TDRD1: variants seen among roughly 807,000 people sequenced by gnomAD.
The protein encoded by TDRD1 is tudor domain-containing protein 1.
A neutral mutation model predicts 140.6 loss-of-function variants in TDRD1; 37 were observed. The ratio of observed to expected loss-of-function variants is 0.26; its 90% CI spans 0.20 to 0.35. The LOEUF (loss-of-function observed/expected upper bound fraction) is 0.35. TDRD1 is among the 10% of genes least tolerant of loss of function. The pLI, the probability that TDRD1 is intolerant of heterozygous loss-of-function variation, is 1.00. For synonymous variants in TDRD1, 506 were observed against 475.7 expected (o/e 1.06, Z -0.83); for missense variants, 1,243 against 1,393.0 (o/e 0.89, Z 1.71).
intron 9 of TDRD1, 88 bp downstream of exon 9, chr10:114,204,304 A>G (rs2034961780): frequency 5.8e-6 from 8 of 1,389,472 alleles, no homozygotes; most frequent in African/African-American, 4.4e-5. Context: ...TGCTTGTTCT[A>G]TTCTGCTGTG....
At chr10:114,229,341 CAT>C (rs1322469273) in intron 25 of TDRD1, among the ~76,000 whole-genome samples, 1 of 152,172 alleles carries the variant, frequency 6.6e-6, no homozygotes, top group Non-Finnish European at 1.5e-5. Flanking sequence ...TGTGTTAAAA[CAT>C]ATCTTTCATG....
chr10:114,215,706 T>G lies in TDRD1; in HGVS notation c.2212+1592T>G, dbSNP rs2035776184. 2.0e-5 allele frequency among the ~76,000 whole-genome samples: 3 copies of G among 152,198 alleles called. No individual in the cohort carries two copies. In the South Asian group the frequency reaches 6.2e-4, roughly 32 times the overall value. ...AATCATCTGGTTGGTAGGCCACCAT[T>G]CCATATAGGATAAAATTTACAGTTT... On this transcript the variant is annotated intron_variant, in intron 16 of 25. Transcript: ENST00000251864.
chr10:114,226,464 C>G (rs965719615), intron 22 of TDRD1, among the ~76,000 whole-genome samples: 7 of 152,140 alleles, frequency 4.6e-5, no homozygotes, highest in African/African-American at 1.7e-4. Flanking sequence ...TTCGGTTTTG[C>G]CCCTGGTTGC....
upstream of TDRD1, among the ~76,000 whole-genome samples, chr10:114,178,298 A>C (rs2032766970): frequency 6.6e-6 from 1 of 152,212 alleles, no homozygotes; most frequent in Admixed American, 6.5e-5. Flanking sequence ...AACCAGGGAG[A>C]GCCCAGAGAA....
At chr10:114,201,708 ATGTG>A (rs2034755451) in intron 5 of TDRD1, among the ~76,000 whole-genome samples, 193 bp downstream of exon 5, 1 of 152,234 alleles carries the variant, frequency 6.6e-6, no homozygotes, top group African/African-American at 2.4e-5. Flanking sequence ...CAGGTAGTAC[ATGTG>A]AAGATTTATA....
Position 114,204,768 on chromosome 10 carries a change from G to A in TDRD1, c.1172G>A (p.Trp391Ter). 1.9e-6 allele frequency: 3 copies of A among 1,600,930 alleles called. No individual in the cohort carries two copies. Among genetic ancestry groups the A allele is most frequent in the Non-Finnish European group, 2.6e-6 (3 of 1,175,608 alleles). Residue 391 changes from tryptophan to a stop codon, truncating the protein, a stop_gained, in exon 10 of 26, where the codon TGG (tryptophan) becomes TAG (stop). Transcript: ENST00000251864. LOFTEE classifies it high-confidence loss of function. ...AATGTTATCCCAGCAGAAGGGAATT[G>A]GAGCAGTGATTGTATCAAAGCTACT...
intron 1 of TDRD1, among the ~76,000 whole-genome samples, chr10:114,186,477 G>A (rs943807493): frequency 6.7e-6 from 1 of 149,678 alleles, no homozygotes; most frequent in Non-Finnish European, 1.5e-5. Context: ...TGTTAGCCAA[G>A]ATGATCTCGA....
At chr10:114,204,510 A>C (rs2034974404) in intron 9 of TDRD1, among the ~76,000 whole-genome samples, 1 of 152,148 alleles carries the variant, frequency 6.6e-6, no homozygotes, top group South Asian at 2.1e-4. Flanking sequence ...TTCTTTCATA[A>C]ATTTCTCCAG....
At chr10:114,211,051 T>A in intron 13 of TDRD1, 84 bp downstream of exon 13, 1 of 1,128,626 alleles carries the variant, frequency 8.9e-7, no homozygotes, top group Non-Finnish European at 1.3e-6. Context: ...TGAAACAGAG[T>A]CTTTGGTTTG....
At chr10:114,206,292 C>T (rs1350156779) in exon 11 of TDRD1, 3 of 1,613,386 alleles carry the variant, frequency 1.9e-6, no homozygotes, top group Non-Finnish European at 2.5e-6. Flanking sequence ...GGCTTGAAAC[C>T]CAGTGGACAA....
chr10:114,224,347 A>G (rs2036315499), intron 21 of TDRD1, among the ~76,000 whole-genome samples: 1 of 152,148 alleles, frequency 6.6e-6, no homozygotes, highest in African/African-American at 2.4e-5. Context: ...TGGAACTGTT[A>G]GTATTCTCAC....
intron 3 of TDRD1, among the ~76,000 whole-genome samples, chr10:114,198,211 G>A (rs1433368880): frequency 6.6e-6 from 1 of 152,188 alleles, no homozygotes; most frequent in Admixed American, 6.5e-5. Flanking sequence ...CACGGGTGGA[G>A]AGAGGCCCGA....
At chr10:114,221,600 A>AT (rs1238180228) in intron 20 of TDRD1, 124 bp downstream of exon 20, 3 of 947,726 alleles carry the variant, frequency 3.2e-6, no homozygotes, top group Non-Finnish European at 4.7e-6. Flanking sequence ...GGAAGAACTG[A>AT]TCATAACACT....
At position 114,210,985 on chromosome 10, in the gene TDRD1, C is replaced by T; in HGVS notation, c.1660+18C>T. The T allele has an allele frequency of 3.9e-6, 6 of 1,554,522 alleles. No individual in the cohort carries two copies. The highest frequency in any genetic ancestry group is 1.2e-5 in the South Asian group (1 of 81,162). On this transcript the variant is annotated intron_variant, in intron 13 of 25. Coordinates refer to ENST00000251864, the Ensembl canonical transcript of TDRD1. ...GTTCTCAGGTAAGGACAGAGTATTA[C>T]TGATTTTTAAAATTTATTTTTATTT...
rs551812343 is a variant in TDRD1, at chr10:114,208,859, C to T, written c.1385-1722C>T. Among the ~76,000 whole-genome samples, 12 of 151,876 alleles carry T rather than the reference C, an allele frequency of 7.9e-5. No individual in the cohort carries two copies. In the South Asian group the frequency reaches 2.1e-3, roughly 26 times the overall value. ...TGTGATCTCAGCTCCCTGCAACCTC[C>T]GCCTCCTAGGTTCAAGTGATTCTCC... On this transcript the variant is annotated intron_variant, in intron 11 of 25. Coordinates refer to ENST00000251864, the Ensembl canonical transcript of TDRD1.
At chr10:114,194,456 A>G (rs1321942350) in intron 3 of TDRD1, among the ~76,000 whole-genome samples, 1 of 151,954 alleles carries the variant, frequency 6.6e-6, no homozygotes, top group Admixed American at 6.6e-5. Flanking sequence ...TACATTGTCA[A>G]ATTTATGTGT....
chr10:114,186,101 A>AT (rs1174073005), intron 1 of TDRD1, among the ~76,000 whole-genome samples: 2 of 150,814 alleles, frequency 1.3e-5, no homozygotes, highest in Admixed American at 6.6e-5. Context: ...CTGTACTTGA[A>AT]TTTTTTTTTC....
Position 114,211,011 on chromosome 10 carries a change from A to AT in TDRD1, c.1660+50dup, listed in dbSNP as rs753412037. On this transcript the variant is annotated intron_variant, in intron 13 of 25. Transcript: ENST00000251864. ...TGATTTTTAAAATTTATTTTTATTT[A>AT]TTTTTTACTTAGAATTGAGTAAAAA... The AT allele has an allele frequency of 4.1e-6, 6 of 1,454,356 alleles. No homozygotes were observed. In the African/African-American group the frequency reaches 4.3e-5, roughly 10 times the overall value. 90.1% of individuals were successfully genotyped at this position (1,454,356 alleles called of 1,614,324 possible). A position where few individuals can be genotyped will look rare whatever the true frequency, so the allele number is the denominator to read the frequency against.
exon 26 of TDRD1, chr10:114,232,163 C>T (rs1193100840): frequency 1.3e-5 from 2 of 152,128 alleles, no homozygotes. Context: ...AGTCTGACCT[C>T]TGGACCACTC....
Sources: allele counts gnomAD v4.1 joint callset (sites outside exome capture counted in the v4.1 genomes callset), GRCh38; gene constraint gnomAD v4.1.1; transcripts MANE v1.5; gene names NCBI Gene and HGNC (gene_info 2026-07-23, HGNC 2026-07-21).